Variants in ZNF462 observed in about 807,000 individuals in gnomAD.
The protein encoded by ZNF462 is zinc finger protein 462.
Under a neutral mutation model 201.9 loss-of-function variants are expected in ZNF462, and 10 were observed. The ratio of observed to expected loss-of-function variants is 0.05; its 90% CI spans 0.03 to 0.08. The LOEUF is 0.08. ZNF462 is among the 10% of genes least tolerant of loss of function. The pLI is 1.00. For missense variants in ZNF462, 2,523 were observed against 3,168.3 expected, an observed-to-expected ratio of 0.80 and a Z score of 4.89; for synonymous variants, 1,227 against 1,193.3, an observed-to-expected ratio of 1.03 and a Z score of -0.58.
rs938746653 is a variant in ZNF462, at chr9:106,962,911, G to C, written c.6428-9094G>C. 5.3e-5 allele frequency among the ~76,000 whole-genome samples: 8 copies of C among 151,984 alleles called. No individual in the cohort carries two copies. The highest frequency in any genetic ancestry group is 1.0e-4 in the Non-Finnish European group (7 of 67,970). ...TCCACTGATGACAGTAGACAAGGAG[G>C]TGCCAGAGTCCTTGGCCTGGAGATT... On this transcript the variant is annotated intron_variant, in intron 7 of 12. Coordinates refer to ENST00000277225, the MANE Select transcript of ZNF462 (RefSeq NM_021224.6). The surrounding 1 kb of genome is among the most constrained non-coding windows in gnomAD (Gnocchi z 4.6).
intron 1 of ZNF462, among the ~76,000 whole-genome samples, chr9:106,884,245 G>T (rs1280574544): frequency 6.6e-6 from 1 of 152,182 alleles, no homozygotes; most frequent in Non-Finnish European, 1.5e-5. Flanking sequence ...GGAGCCACTG[G>T]TCTTGGTATC....
At position 106,932,979 on chromosome 9, in the gene ZNF462, C is replaced by T. The variant is rs995393802; in HGVS notation, c.6116+430C>T. On this transcript the variant is annotated intron_variant, in intron 5 of 12. Transcript: ENST00000277225. This position sits in a 1 kb window ranked among gnomAD's most constrained non-coding sequence, Gnocchi z 6.8. The stretch of plus-strand genomic sequence containing the variant: ...CAAAGAAACATTGCTTGCAATTTTT[C>T]AAAAGATCTTGAAAGGTAAAGAAGT... 5.3e-5 allele frequency among the ~76,000 whole-genome samples: 8 copies of T among 152,136 alleles called. No individual in the cohort carries two copies. Among genetic ancestry groups the T allele is most frequent in the African/African-American group, 1.9e-4 (8 of 41,434 alleles).
At chr9:106,979,241 T>A (rs1169552756) in intron 9 of ZNF462, 6 of 153,966 alleles carry the variant, frequency 3.9e-5, no homozygotes, top group Non-Finnish European at 8.6e-5. Flanking sequence ...CCAACAATCT[T>A]CTTCTCTTGC....
chr9:106,900,477 CA>C (rs1829019255), intron 1 of ZNF462, among the ~76,000 whole-genome samples: 1 of 152,110 alleles, frequency 6.6e-6, no homozygotes, highest in African/African-American at 2.4e-5. Flanking sequence ...CTGTTTTCCA[CA>C]GTGGTTGTAC....
chr9:106,897,136 A>T (rs1314645864), intron 1 of ZNF462, among the ~76,000 whole-genome samples: 4 of 152,178 alleles, frequency 2.6e-5, no homozygotes, highest in African/African-American at 9.7e-5. Flanking sequence ...AAAAAGTAAA[A>T]CTTCTTTTCA....
At position 107,008,841 on chromosome 9, in the gene ZNF462, G is replaced by A. The variant is rs994120841; in HGVS notation, c.7190-704G>A. On this transcript the variant is annotated intron_variant, in intron 11 of 12. Coordinates refer to ENST00000277225, the MANE Select transcript of ZNF462 (RefSeq NM_021224.6). The surrounding 1 kb of genome is among the most constrained non-coding windows in gnomAD (Gnocchi z 4.8). The stretch of plus-strand genomic sequence containing the variant: ...AATGTCTGCATATCCCCGTATTCAT[G>A]AATACCACCAATTGAGGGGTAGGTG... 9.2e-5 allele frequency among the ~76,000 whole-genome samples: 14 copies of A among 152,198 alleles called. No individual in the cohort carries two copies. Among genetic ancestry groups the A allele is most frequent in the African/African-American group, 3.1e-4 (13 of 41,450 alleles).
At chr9:106,891,563 C>A (rs1162237049) in intron 1 of ZNF462, among the ~76,000 whole-genome samples, 1 of 152,134 alleles carries the variant, frequency 6.6e-6, no homozygotes, top group Non-Finnish European at 1.5e-5. Flanking sequence ...GGTTCCAAGC[C>A]TAAGAAAAGG....
At position 106,981,174 on chromosome 9, in the gene ZNF462, T is replaced by G. The variant is rs991770618; in HGVS notation, c.6833-3012T>G. Among the ~76,000 whole-genome samples, 9 of 152,250 alleles carry G rather than the reference T, an allele frequency of 5.9e-5. No homozygotes were observed. The highest frequency in any genetic ancestry group is 4.6e-4 in the Admixed American group (7 of 15,286). ...TTGGTAGACTGGCATTGTCTTAGTT[T>G]GGAAATGGGAAGTTCTAGATTTCAG... On this transcript the variant is annotated intron_variant, in intron 9 of 12. Coordinates refer to ENST00000277225, the MANE Select transcript of ZNF462 (RefSeq NM_021224.6). This position sits in a 1 kb window ranked among gnomAD's most constrained non-coding sequence, Gnocchi z 4.0.
chr9:106,917,262 A>G lies in ZNF462; in HGVS notation c.-30-6092A>G, dbSNP rs1054453967. Among the ~76,000 whole-genome samples the G allele has an allele frequency of 2.0e-5, 3 of 152,244 alleles. No individual in the cohort carries two copies. The highest frequency in any genetic ancestry group is 2.9e-5 in the Non-Finnish European group (2 of 68,048). Reference sequence around the variant, plus strand: ...TTTAATGATGATTCCAAAGGTATCTATTAAGAAATAGTACTCCAGCATACT... The same window carrying G: ...TTTAATGATGATTCCAAAGGTATCTGTTAAGAAATAGTACTCCAGCATACT... On this transcript the variant is annotated intron_variant, in intron 1 of 12. Transcript: ENST00000277225. The surrounding 1 kb of genome is among the most constrained non-coding windows in gnomAD (Gnocchi z 4.5).
Position 106,923,987 on chromosome 9 carries a change from A to G in ZNF462, c.221-146A>G, listed in dbSNP as rs1393833747. On this transcript the variant is annotated intron_variant, in intron 2 of 12. Coordinates refer to ENST00000277225, the MANE Select transcript of ZNF462 (RefSeq NM_021224.6). This position sits in a 1 kb window ranked among gnomAD's most constrained non-coding sequence, Gnocchi z 5.6. ...CGTATATCTTCATTGATGCTTTGTG[A>G]ATACTCTTCAAGGCCTCATCTTGAG... The G allele has an allele frequency of 8.8e-6, 6 of 680,334 alleles. No homozygotes were observed. The highest frequency in any genetic ancestry group is 6.0e-5 in the Admixed American group (2 of 33,598). 42.1% of individuals were successfully genotyped at this position (680,334 alleles called of 1,614,324 possible). A position where few individuals can be genotyped will look rare whatever the true frequency, so the allele number is the denominator to read the frequency against.
chr9:106,923,795 T>C lies in ZNF462; in HGVS notation c.220+192T>C, dbSNP rs900508334. On this transcript the variant is annotated intron_variant, in intron 2 of 12. Transcript: ENST00000277225. The surrounding 1 kb of genome is among the most constrained non-coding windows in gnomAD (Gnocchi z 5.6). Reference sequence around the variant, plus strand: ...TTTTATCCTTTCGAAAGCTTCCTCATATATCCTACCTTTCAATTTGGAGAA... The same window carrying C: ...TTTTATCCTTTCGAAAGCTTCCTCACATATCCTACCTTTCAATTTGGAGAA... 1.3e-5 allele frequency among the ~76,000 whole-genome samples: 2 copies of C among 152,186 alleles called. No homozygotes were observed. Among genetic ancestry groups the C allele is most frequent in the Non-Finnish European group, 2.9e-5 (2 of 68,032 alleles).
intron 1 of ZNF462, among the ~76,000 whole-genome samples, chr9:106,875,953 GAGAA>G (rs1178143895): frequency 6.6e-6 from 1 of 152,132 alleles, no homozygotes; most frequent in Non-Finnish European, 1.5e-5. Flanking sequence ...TCTATACATA[GAGAA>G]AGATAGATAG....
At position 106,895,827 on chromosome 9, in the gene ZNF462, A is replaced by G. The variant is rs908409305; in HGVS notation, c.-30-27527A>G. 2.0e-5 allele frequency among the ~76,000 whole-genome samples: 3 copies of G among 152,104 alleles called. No homozygotes were observed. The highest frequency in any genetic ancestry group is 2.9e-5 in the Non-Finnish European group (2 of 68,010). On this transcript the variant is annotated intron_variant, in intron 1 of 12. Transcript: ENST00000277225. The surrounding 1 kb of genome is among the most constrained non-coding windows in gnomAD (Gnocchi z 4.4). The stretch of plus-strand genomic sequence containing the variant: ...CATCTTTTTGGGGGTGGGAATATGT[A>G]TTGGGTTCTTCTTTCTTACATATGT...
At chr9:106,995,174 T>TCCA (rs1828611305) in intron 10 of ZNF462, among the ~76,000 whole-genome samples, 1 of 152,140 alleles carries the variant, frequency 6.6e-6, no homozygotes, top group African/African-American at 2.4e-5. Context: ...TACTTGTGTC[T>TCCA]GAAGTTATGC....
chr9:107,009,781 C>A lies in ZNF462; in HGVS notation c.7313+113C>A. 1 of 1,468,934 alleles carries A rather than the reference C, an allele frequency of 6.8e-7. No individual in the cohort carries two copies. The highest frequency in any genetic ancestry group is 1.3e-5 in the South Asian group (1 of 74,216). 91.0% of individuals were successfully genotyped at this position (1,468,934 alleles called of 1,614,324 possible). A position where few individuals can be genotyped will look rare whatever the true frequency, so the allele number is the denominator to read the frequency against. ...ATGTACACCCCTCTGTGTCACATTTCTGGGCCGTGGGAGGAGAGGCAATGG... is the reference window on the plus strand; with the variant it reads ...ATGTACACCCCTCTGTGTCACATTTATGGGCCGTGGGAGGAGAGGCAATGG... On this transcript the variant is annotated intron_variant, in intron 12 of 12. Transcript: ENST00000277225. This position sits in a 1 kb window ranked among gnomAD's most constrained non-coding sequence, Gnocchi z 6.1.
At chr9:106,956,274 A>G (rs1405435567) in intron 7 of ZNF462, among the ~76,000 whole-genome samples, 5 of 152,158 alleles carry the variant, frequency 3.3e-5, no homozygotes, top group Non-Finnish European at 7.4e-5. Context: ...ATCTCCTTGT[A>G]TATCTTCATC....
In ZNF462 at chr9:106,897,624, C is replaced by T. The variant is rs1403955981; in HGVS notation, c.-30-25730C>T. Among the ~76,000 whole-genome samples, 5 of 152,266 alleles carry T rather than the reference C, an allele frequency of 3.3e-5. No homozygotes were observed. The East Asian group carries it at 9.7e-4, about 29-fold the overall frequency. ...GTAAAAATTATGTTTTGTAAGGGCACTCCTCTTTGTCTGAAGTTCATTGCC... is the reference window on the plus strand; with the variant it reads ...GTAAAAATTATGTTTTGTAAGGGCATTCCTCTTTGTCTGAAGTTCATTGCC... On this transcript the variant is annotated intron_variant, in intron 1 of 12. Coordinates refer to ENST00000277225, the MANE Select transcript of ZNF462 (RefSeq NM_021224.6).
intron 1 of ZNF462, among the ~76,000 whole-genome samples, chr9:106,869,942 T>C (rs1301271290): frequency 6.6e-6 from 1 of 152,196 alleles, no homozygotes; most frequent in African/African-American, 2.4e-5. Flanking sequence ...AACTTTGCAT[T>C]TGGAGAACTG....
intron 6 of ZNF462, among the ~76,000 whole-genome samples, chr9:106,936,833 C>T (rs1003918269): frequency 6.6e-6 from 1 of 152,312 alleles, no homozygotes; most frequent in Admixed American, 6.5e-5. Context: ...AGAGCCTGCA[C>T]ACTGATGCCA....
Sources: allele counts gnomAD v4.1 joint callset (sites outside exome capture counted in the v4.1 genomes callset), GRCh38; gene constraint gnomAD v4.1.1; non-coding constraint Gnocchi (gnomAD v3.1); transcripts MANE v1.5; gene names NCBI Gene and HGNC (gene_info 2026-07-23, HGNC 2026-07-21).